The following BORCS5 variants were observed in gnomAD, a reference collection of about 807,000 sequenced individuals.
BORCS5 encodes BLOC-1 related complex subunit 5.
In BORCS5, 17 loss-of-function variants were observed where a neutral mutation model predicts 22.1. The observed-to-expected ratio is 0.77, with a 90% confidence interval of 0.53 to 1.15. The LOEUF (loss-of-function observed/expected upper bound fraction) is 1.15, where lower values mean the gene tolerates loss of function less well. Ranked by LOEUF, BORCS5 falls within the 50% of genes most tolerant of loss-of-function variation. BORCS5 has a pLI of 0.00. For synonymous variants in BORCS5, 117 were observed against 99.8 expected (o/e 1.17, Z -1.03); for missense variants, 247 against 253.2 (o/e 0.98, Z 0.17).
At chr12:12,392,910 T>A (rs529786374) in intron 2 of BORCS5, among the ~76,000 whole-genome samples, 1 of 152,096 alleles carries the variant, frequency 6.6e-6, no homozygotes, top group South Asian at 2.1e-4. Flanking sequence ...AAACCAAAAC[T>A]GTAATCTGCT....
At chr12:12,453,525 C>T (rs1014174161) in intron 3 of BORCS5, among the ~76,000 whole-genome samples, 2 of 152,126 alleles carry the variant, frequency 1.3e-5, no homozygotes, top group Admixed American at 6.5e-5. Flanking sequence ...TCTTCATCTT[C>T]GTAAACTCGA....
At chr12:12,393,155 A>G (rs1941241984) in intron 2 of BORCS5, among the ~76,000 whole-genome samples, 1 of 151,960 alleles carries the variant, frequency 6.6e-6, no homozygotes. Flanking sequence ...AGGATCCTTG[A>G]GCTCAGGAGG....
chr12:12,445,461 G>A (rs2064837879), intron 3 of BORCS5, among the ~76,000 whole-genome samples: 1 of 39,008 alleles, frequency 2.6e-5, no homozygotes, highest in African/African-American at 9.2e-5. Context: ...CTGTTTTTCT[G>A]TATTTTACAA....
At chr12:12,416,227 C>T (rs903175376) in intron 2 of BORCS5, among the ~76,000 whole-genome samples, 9 of 152,038 alleles carry the variant, frequency 5.9e-5, no homozygotes, top group African/African-American at 2.2e-4. Context: ...AGTTCCTCTA[C>T]TCTAGCAAAA....
intron 2 of BORCS5, among the ~76,000 whole-genome samples, chr12:12,414,109 C>T (rs1460861539): frequency 2.5e-5 from 2 of 80,250 alleles, no homozygotes; most frequent in Non-Finnish European, 5.1e-5. Flanking sequence ...GGGCGGGGGG[C>T]TGACCCCCCC....
chr12:12,465,615 G>C lies in BORCS5; in HGVS notation c.430G>C (p.Glu144Gln). The C allele has an allele frequency of 6.2e-7, 1 of 1,614,242 alleles. No homozygotes were observed. Among genetic ancestry groups the C allele is most frequent in the Non-Finnish European group, 8.5e-7 (1 of 1,180,036 alleles). Residue 144 changes from glutamate to glutamine, a missense_variant, in exon 4 of 4, where the codon GAG becomes CAG. By Grantham distance (29) the Glu-to-Gln change is conservative. Transcript: ENST00000314565. ...ERQKRYAKYA[E>Q]QIQKVNEMSA... ...CCAGAAAAGATACGCCAAGTATGCC[G>C]AGCAGATCCAGAAAGTGAACGAGAT...
At chr12:12,397,274 A>G (rs532584585) in intron 2 of BORCS5, among the ~76,000 whole-genome samples, 2 of 152,146 alleles carry the variant, frequency 1.3e-5, no homozygotes, top group South Asian at 2.1e-4. Flanking sequence ...TGATTCCCCT[A>G]GGGTGACAGT....
intron 2 of BORCS5, among the ~76,000 whole-genome samples, chr12:12,400,672 C>T (rs886849017): frequency 3.3e-5 from 5 of 151,880 alleles, no homozygotes; most frequent in Non-Finnish European, 7.4e-5. Context: ...CTTCAGATCT[C>T]TTTCCCTGCA....
At chr12:12,427,327 C>T (rs901930320) in intron 2 of BORCS5, among the ~76,000 whole-genome samples, 23 of 151,762 alleles carry the variant, frequency 1.5e-4, no homozygotes, top group African/African-American at 5.1e-4. Context: ...ACTACAGGCA[C>T]CCGCCACCAC....
chr12:12,442,182 G>A (rs1282321309), intron 3 of BORCS5, among the ~76,000 whole-genome samples: 3 of 151,038 alleles, frequency 2.0e-5, no homozygotes, highest in African/African-American at 7.4e-5. Flanking sequence ...TCACTTCCCT[G>A]GGTCTTACTT....
Position 12,469,883 on chromosome 12 carries a change from C to G in BORCS5, c.*4107C>G, listed in dbSNP as rs759997708. On this transcript the variant is annotated 3_prime_UTR_variant, in exon 4 of 4. Transcript: ENST00000314565. ...GTAGTTTTGCTTTTCTTTCCCTGAC[C>G]TTTCGCTTCATTCCTTTGTTAAGAA... Among the ~76,000 whole-genome samples, 1 of 152,152 alleles carries G rather than the reference C, an allele frequency of 6.6e-6. No homozygotes were observed. Among genetic ancestry groups the G allele is most frequent in the Non-Finnish European group, 1.5e-5 (1 of 68,026 alleles).
intron 2 of BORCS5, among the ~76,000 whole-genome samples, chr12:12,433,106 G>A (rs1942468105): frequency 6.6e-6 from 1 of 152,056 alleles, no homozygotes; most frequent in African/African-American, 2.4e-5. Flanking sequence ...GGCTGAGGCA[G>A]CTGGATCACC....
At chr12:12,403,328 T>C (rs772848623) in intron 2 of BORCS5, among the ~76,000 whole-genome samples, 3 of 152,226 alleles carry the variant, frequency 2.0e-5, no homozygotes, top group South Asian at 4.1e-4. Flanking sequence ...CTTCAAAATA[T>C]GTTCATGTTG....
intron 2 of BORCS5, among the ~76,000 whole-genome samples, chr12:12,421,293 A>G (rs1051304009): frequency 1.3e-5 from 2 of 152,304 alleles, no homozygotes; most frequent in East Asian, 3.9e-4. Context: ...CCTTTTCTGC[A>G]TCTATTGAGA....
chr12:12,388,765 C>G (rs539740950), intron 2 of BORCS5, among the ~76,000 whole-genome samples: 5 of 151,226 alleles, frequency 3.3e-5, no homozygotes, highest in African/African-American at 1.2e-4. Context: ...TTCTGCTGTT[C>G]TTCTCCTTTC....
rs1482850901 is a variant in BORCS5, at chr12:12,383,761, T to C, written c.202+22412T>C. 1.3e-5 allele frequency among the ~76,000 whole-genome samples: 2 copies of C among 151,236 alleles called. 1 individual carries two copies. Among genetic ancestry groups the C allele is most frequent in the African/African-American group, 4.9e-5 (2 of 41,172 alleles). ...CTCATTTCAGGATTTTTTTTTCCTT[T>C]AGCTTTCCATAGTTTGTGATAAGTC... On this transcript the variant is annotated intron_variant, in intron 2 of 3. Coordinates refer to ENST00000314565, the MANE Select transcript of BORCS5 (RefSeq NM_058169.6).
chr12:12,372,607 C>G (rs1029244070), intron 2 of BORCS5, among the ~76,000 whole-genome samples: 2 of 152,042 alleles, frequency 1.3e-5, no homozygotes, highest in Non-Finnish European at 2.9e-5. Flanking sequence ...CCCATGTTTT[C>G]TTTTAAATAC....
intron 3 of BORCS5, among the ~76,000 whole-genome samples, chr12:12,457,023 A>G (rs756493921): frequency 9.2e-5 from 14 of 152,042 alleles, no homozygotes; most frequent in Non-Finnish European, 1.6e-4. Context: ...TTCTGCTTTC[A>G]TGTACTACAT....
At chr12:12,446,707 GA>G in intron 3 of BORCS5, among the ~76,000 whole-genome samples, 1 of 152,302 alleles carries the variant, frequency 6.6e-6, no homozygotes, top group Admixed American at 6.5e-5. Context: ...AGTATTATAA[GA>G]CTTTAGTTGA....
Sources: allele counts gnomAD v4.1 joint callset (sites outside exome capture counted in the v4.1 genomes callset), GRCh38; gene constraint gnomAD v4.1.1; transcripts MANE v1.5; gene names NCBI Gene and HGNC (gene_info 2026-07-23, HGNC 2026-07-21).